Variants in ASAP1 observed in about 807,000 individuals in gnomAD.
ASAP1 encodes arf-GAP with SH3 domain, ANK repeat and PH domain-containing protein 1.
ASAP1 carries 43 observed loss-of-function variants against 145.2 expected under a neutral mutation model. The ratio of observed to expected loss-of-function variants is 0.30; its 90% CI spans 0.23 to 0.38. The LOEUF (loss-of-function observed/expected upper bound fraction) is 0.38. Among genes scored for constraint, ASAP1 ranks in the 10% least tolerant of loss-of-function variants. ASAP1 has a pLI of 1.00. For synonymous variants in ASAP1, 546 were observed against 515.5 expected, an observed-to-expected ratio of 1.06 and a Z score of -0.80; for missense variants, 1,018 against 1,355.3, an observed-to-expected ratio of 0.75 and a Z score of 3.91.
chr8:130,333,180 A>G (rs1475628398), intron 3 of ASAP1, among the ~76,000 whole-genome samples: 1 of 152,238 alleles, frequency 6.6e-6, no homozygotes, highest in Admixed American at 6.5e-5. Flanking sequence ...AAGCACCCCC[A>G]ACCCTAGTCC....
intron 24 of ASAP1, among the ~76,000 whole-genome samples, chr8:130,107,431 C>T (rs1408189087): frequency 2.0e-5 from 3 of 151,212 alleles, no homozygotes; most frequent in Non-Finnish European, 2.9e-5. Context: ...GTGATCCGCC[C>T]GCCTCAGCCT....
At chr8:130,288,108 G>A (rs138905412) in intron 3 of ASAP1, among the ~76,000 whole-genome samples, 9 of 152,286 alleles carry the variant, frequency 5.9e-5, no homozygotes, top group Admixed American at 2.6e-4. Context: ...CCAGCTACAC[G>A]CATCAAGCAA....
intron 5 of ASAP1, among the ~76,000 whole-genome samples, chr8:130,198,997 C>T (rs900560030): frequency 4.6e-5 from 7 of 152,188 alleles, no homozygotes; most frequent in African/African-American, 1.4e-4. Flanking sequence ...ATCTCTCCCA[C>T]TTTGCACGTG....
chr8:130,339,437 G>A (rs961345339), intron 3 of ASAP1, among the ~76,000 whole-genome samples: 4 of 152,074 alleles, frequency 2.6e-5, no homozygotes, highest in African/African-American at 7.2e-5. Flanking sequence ...TGAGTACATC[G>A]ATGCGGTCAG....
At chr8:130,321,710 C>T (rs1246069287) in intron 3 of ASAP1, among the ~76,000 whole-genome samples, 1 of 152,164 alleles carries the variant, frequency 6.6e-6, no homozygotes, top group Non-Finnish European at 1.5e-5. Context: ...TGTCTAAGTT[C>T]TTCCACTCCT....
intron 3 of ASAP1, among the ~76,000 whole-genome samples, chr8:130,322,824 G>C (rs1463351636): frequency 2.6e-5 from 4 of 152,166 alleles, no homozygotes; most frequent in Admixed American, 2.6e-4. Context: ...AGCAAAGAGA[G>C]ATATACAAAG....
chr8:130,358,370 T>C lies in ASAP1; in HGVS notation c.60-227A>G, dbSNP rs1826480000. On this transcript the variant is annotated intron_variant, in intron 2 of 29. Transcript: ENST00000518721. The surrounding 1 kb of genome is among the most constrained non-coding windows in gnomAD (Gnocchi z 4.1). ...GGGCTCGGCGCGGGGCCCTTCAAAC[T>C]CCAAGCCGCGCGCGAGGCAGGGGGC... Among the ~76,000 whole-genome samples the C allele has an allele frequency of 6.9e-6, 1 of 145,234 alleles. No individual in the cohort carries two copies. Among genetic ancestry groups the C allele is most frequent in the Non-Finnish European group, 1.5e-5 (1 of 65,498 alleles).
intron 11 of ASAP1, among the ~76,000 whole-genome samples, chr8:130,165,018 C>T (rs1005488771): frequency 1.1e-4 from 16 of 152,158 alleles, no homozygotes; most frequent in African/African-American, 3.9e-4. Flanking sequence ...GAGAAAGGAA[C>T]AGGCATGTTG....
At chr8:130,355,013 G>A (rs1826221255) in intron 3 of ASAP1, among the ~76,000 whole-genome samples, 1 of 152,100 alleles carries the variant, frequency 6.6e-6, no homozygotes, top group Non-Finnish European at 1.5e-5. Context: ...AGCCTCCCAA[G>A]AAGCTGCGAC....
At chr8:130,147,198 CAAAAAAAAAAAAAAAAAAA>C (rs559149769) in intron 13 of ASAP1, among the ~76,000 whole-genome samples, 15 of 63,340 alleles carry the variant, frequency 2.4e-4, no homozygotes, top group Admixed American at 2.6e-4. Context: ...AATGCAGTCT[CAAAAAAAAAAAAAAAAAAA>C]AAAAAAAAAA....
chr8:130,428,684 C>T (rs1830033341), intron 1 of ASAP1, among the ~76,000 whole-genome samples: 1 of 149,370 alleles, frequency 6.7e-6, no homozygotes, highest in South Asian at 2.2e-4. Context: ...TCATCACCAT[C>T]AGAACTACCA....
At chr8:130,177,248 G>T (rs910351043) in intron 9 of ASAP1, among the ~76,000 whole-genome samples, 2 of 152,230 alleles carry the variant, frequency 1.3e-5, no homozygotes, top group Non-Finnish European at 2.9e-5. Flanking sequence ...ACCATTACTA[G>T]CGAAGGCTAA....
chr8:130,418,384 C>A (rs1829575671), intron 1 of ASAP1, among the ~76,000 whole-genome samples: 1 of 151,994 alleles, frequency 6.6e-6, no homozygotes, highest in Non-Finnish European at 1.5e-5. Context: ...CTCGTCTCTA[C>A]TAAAAATACA....
intron 3 of ASAP1, among the ~76,000 whole-genome samples, chr8:130,300,295 G>C (rs1822585891): frequency 6.6e-6 from 1 of 152,048 alleles, no homozygotes; most frequent in Non-Finnish European, 1.5e-5. Context: ...CTTAAGTGTG[G>C]TAATTTAAAA....
At chr8:130,375,514 T>A (rs906991015) in intron 2 of ASAP1, among the ~76,000 whole-genome samples, 1 of 151,690 alleles carries the variant, frequency 6.6e-6, no homozygotes, top group Non-Finnish European at 1.5e-5. Flanking sequence ...GAGCTATGAT[T>A]GTGCCACTGC....
intron 3 of ASAP1, among the ~76,000 whole-genome samples, chr8:130,268,530 CA>C (rs1820400791): frequency 2.8e-5 from 4 of 145,344 alleles, no homozygotes; most frequent in Non-Finnish European, 6.0e-5. Flanking sequence ...CACACACACA[CA>C]CACAACTGTG....
At chr8:130,174,829 T>C (rs886199468) in intron 9 of ASAP1, among the ~76,000 whole-genome samples, 3 of 152,228 alleles carry the variant, frequency 2.0e-5, no homozygotes, top group Admixed American at 1.3e-4. Context: ...CAATATTTCA[T>C]TCACATTCAG....
At chr8:130,332,287 G>C (rs567251753) in intron 3 of ASAP1, among the ~76,000 whole-genome samples, 1 of 152,282 alleles carries the variant, frequency 6.6e-6, no homozygotes, top group East Asian at 1.9e-4. Context: ...CAATGGCAGG[G>C]AGTATAATGA....
chr8:130,238,101 G>C (rs1173821353), intron 3 of ASAP1, among the ~76,000 whole-genome samples: 1 of 152,034 alleles, frequency 6.6e-6, no homozygotes, highest in African/African-American at 2.4e-5. Context: ...ATGGTAGCAG[G>C]CACCTACAAT....
Sources: allele counts gnomAD v4.1 joint callset (sites outside exome capture counted in the v4.1 genomes callset), GRCh38; gene constraint gnomAD v4.1.1; non-coding constraint Gnocchi (gnomAD v3.1); transcripts MANE v1.5; gene names NCBI Gene and HGNC (gene_info 2026-07-23, HGNC 2026-07-21).